Variants in AARS1 observed in about 807,000 individuals in gnomAD.
The protein encoded by AARS1 is alanyl-tRNA synthetase 1, also known as alanine--tRNA ligase, cytoplasmic.
Under a neutral mutation model 108.9 loss-of-function variants are expected in AARS1, and 72 were observed. The ratio of observed to expected loss-of-function variants is 0.66; its 90% confidence interval spans 0.55 to 0.80. AARS1 has a LOEUF of 0.80. AARS1 is among the 30% of genes least tolerant of loss of function. The probability of loss-of-function intolerance (pLI) is 0.00; values close to 1 mark genes in which losing one functional copy is unlikely to be tolerated. For synonymous variants in AARS1, 489 were observed against 465.7 expected, an observed-to-expected ratio of 1.05 and a Z score of -0.64; for missense variants, 1,193 against 1,233.2, an observed-to-expected ratio of 0.97 and a Z score of 0.49.
chr16:70,288,846 C>A (rs1960946240), intron 1 of AARS1, among the ~76,000 whole-genome samples: 1 of 152,170 alleles, frequency 6.6e-6, no homozygotes, highest in South Asian at 2.1e-4. Flanking sequence ...GGATTACAGG[C>A]GTGAGCCTCC....
intron 9 of AARS1, among the ~76,000 whole-genome samples, chr16:70,267,385 C>T (rs1960288177): frequency 6.6e-6 from 1 of 152,172 alleles, no homozygotes; most frequent in Admixed American, 6.5e-5. Flanking sequence ...TACACCAAAC[C>T]ATTAAGAGTT....
intron 4 of AARS1, among the ~76,000 whole-genome samples, chr16:70,274,884 T>C (rs575591625): frequency 8.6e-5 from 13 of 151,952 alleles, no homozygotes; most frequent in African/African-American, 2.9e-4. Flanking sequence ...TACATTTCTA[T>C]AAGGTTTGAA....
In AARS1 at chr16:70,270,186, G is replaced by C. The variant is rs780413612; in HGVS notation, c.816+10C>G. On this transcript the variant is annotated intron_variant, in intron 6 of 20. Transcript: ENST00000261772. ...ACAGAAGTTTACAATGTTTGCAATA[G>C]CACCAGTACCTTCTGAATGGCTTCA... is the stretch of plus-strand genomic sequence containing the variant. The C allele has an allele frequency of 2.5e-6, 4 of 1,614,038 alleles. No individual in the cohort carries two copies. The highest frequency in any genetic ancestry group is 3.4e-6 in the Non-Finnish European group (4 of 1,179,934).
chr16:70,289,492 C>A lies in AARS1; in HGVS notation c.-93G>T, dbSNP rs911839256. 2.0e-5 allele frequency: 9 copies of A among 445,194 alleles called. No homozygotes were observed. Among genetic ancestry groups the A allele is most frequent in the African/African-American group, 1.6e-4 (8 of 50,024 alleles). The allele number at this position is 445,194 out of a possible 1,614,324, so 27.6% of individuals were successfully genotyped here. On this transcript the variant is annotated 5_prime_UTR_variant, in exon 1 of 21. Coordinates refer to ENST00000261772, the MANE Select transcript of AARS1 (RefSeq NM_001605.3). ...CAAGGGCCCGCTGCACCTATTCCCG[C>A]AGACGCGCAGCTGTACCGGCCTCAG...
At position 70,253,920 on chromosome 16, in the gene AARS1, C is replaced by T. The variant is rs776276100; in HGVS notation, c.2519G>A (p.Arg840Gln). The change falls in exon 18 of 21, where the codon CGA becomes CAA. Residue 840 changes from arginine (R) to glutamine (Q), a missense_variant and splice_region_variant. Transcript: ENST00000261772. ...DRASKADVQK[R>Q]VLEKTKQFID... is the part of the protein sequence containing the mutation. The stretch of plus-strand genomic sequence containing the variant: ...GCCACTGGTGCTGCCAGGACTCACT[C>T]GTTTCTGGACATCGGCTTTGCTGGC... 3 of 1,614,106 alleles carry T rather than the reference C, an allele frequency of 1.9e-6. No individual in the cohort carries two copies. The highest frequency in any genetic ancestry group is 1.3e-5 in the African/African-American group (1 of 74,940).
In AARS1 at chr16:70,252,764, G is replaced by T; in HGVS notation, c.2864C>A (p.Ala955Asp). The T allele has an allele frequency of 6.2e-7, 1 of 1,614,168 alleles. No individual in the cohort carries two copies. Among genetic ancestry groups the T allele is most frequent in the Non-Finnish European group, 8.5e-7 (1 of 1,180,046 alleles). ...VGCLQEALQL[A>D]TSFAQLRLGD... ...GAGGCGCAGCTGGGCGAAGGAAGTG[G>T]CCAGCTGCAGCGCCTCCTGCAGGCA... Residue 955 changes from alanine (A) to aspartate (D), a missense_variant, in exon 21 of 21, where the codon GCC becomes GAC. By Grantham distance (126) the Ala-to-Asp change is moderately radical. Transcript: ENST00000261772.
rs117349252 is a variant in AARS1 at position 70,268,961 on chromosome 16, C to T, written c.963-582G>A. Among the ~76,000 whole-genome samples the T allele has an allele frequency of 4.1e-3, 622 of 152,180 alleles. 2 individuals carry two copies. The highest frequency in any genetic ancestry group is 0.01 in the Middle Eastern group (3 of 294). On this transcript the variant is annotated intron_variant, in intron 7 of 20. Coordinates refer to ENST00000261772, the MANE Select transcript of AARS1 (RefSeq NM_001605.3). ...GTGGCTCACACCTGTAATCCCATCA[C>T]TTTGGGAGGTCGTAGCAGGTGGATC...
rs766285180 is a variant in AARS1 at position 70,253,634 on chromosome 16, G to T, written c.2607+80C>A. 57 of 1,504,036 alleles carry T rather than the reference G, an allele frequency of 3.8e-5. 1 individual carries two copies. In the Admixed American group the frequency reaches 4.2e-4, roughly 11 times the overall value. 93.2% of individuals were successfully genotyped at this position (1,504,036 alleles called of 1,614,324 possible). A position where few individuals can be genotyped will look rare whatever the true frequency, so the allele number is the denominator to read the frequency against. ...CCGTGGGCCCTTAGGCAACCACTTC[G>T]CTCAGAGCCACAGAGGCCACATGTC... On this transcript the variant is annotated intron_variant, in intron 19 of 20. Coordinates refer to ENST00000261772, the MANE Select transcript of AARS1 (RefSeq NM_001605.3).
Position 70,252,928 on chromosome 16 carries a change from G to A in AARS1, c.2722-22C>T, listed in dbSNP as rs147501949. On this transcript the variant is annotated intron_variant, in intron 20 of 20. Transcript: ENST00000261772. ...CATTCTAGAAGACAGGAAGGGAAGG[G>A]GGAGTCAGCACAGAAGATGGGATTG... 1.6e-4 allele frequency: 266 copies of A among 1,612,874 alleles called. No individual in the cohort carries two copies. The African/African-American group carries it at 2.5e-3, about 15-fold the overall frequency.
In AARS1 at chr16:70,252,739, G is replaced by C. The variant is rs75033663; in HGVS notation, c.2889C>G (p.Leu963=). ...QLATSFAQLR[L]GDVKN The stretch of plus-strand genomic sequence containing the variant: ...TCCCCACTCAGTTCTTTACATCCCC[G>C]AGGCGCAGCTGGGCGAAGGAAGTGG... Residue 963 remains leucine (L), a synonymous_variant, in exon 21 of 21, where the codon CTC becomes CTG. Coordinates refer to ENST00000261772, the MANE Select transcript of AARS1 (RefSeq NM_001605.3). The C allele has an allele frequency of 1.2e-6, 2 of 1,614,132 alleles. No homozygotes were observed. The highest frequency in any genetic ancestry group is 1.3e-5 in the African/African-American group (1 of 75,050).
chr16:70,271,733 T>C, intron 5 of AARS1, 48 bp downstream of exon 5: 1 of 1,588,152 alleles, frequency 6.3e-7, no homozygotes, highest in Non-Finnish European at 8.6e-7. Context: ...GAGTTCCTCC[T>C]CCCCTGCTCA....
At chr16:70,262,201 C>T in intron 12 of AARS1, 145 bp downstream of exon 12, 2 of 999,118 alleles carry the variant, frequency 2.0e-6, no homozygotes, top group South Asian at 1.3e-5. Flanking sequence ...CAAGCAACAG[C>T]TCCCTCGGCT....
intron 4 of AARS1, among the ~76,000 whole-genome samples, chr16:70,272,506 C>CAAAAAAAAAA (rs34129241): frequency 5.9e-5 from 1 of 17,024 alleles, no homozygotes. Flanking sequence ...AACTCCATCT[C>CAAAAAAAAAA]AAAAAAAAAA....
intron 4 of AARS1, among the ~76,000 whole-genome samples, chr16:70,273,863 CAAAAAAAAAAAAAA>C (rs71385651): frequency 1.8e-5 from 1 of 54,262 alleles, no homozygotes; most frequent in Non-Finnish European, 3.1e-5. Context: ...ACTCCGTCTC[CAAAAAAAAAAAAAA>C]AAAAAAAAAA....
chr16:70,269,322 G>GAA lies in AARS1; in HGVS notation c.962+294_962+295dup, dbSNP rs56394253. Among the ~76,000 whole-genome samples, 22 of 64,272 alleles carry GAA rather than the reference G, an allele frequency of 3.4e-4. 1 individual carries two copies. Among genetic ancestry groups the GAA allele is most frequent in the East Asian group, 2.0e-3 (4 of 1,982 alleles). The allele number at this position is 64,272 out of a possible 152,430, so 42.2% of individuals were successfully genotyped here. A position where few individuals can be genotyped will look rare whatever the true frequency, so the allele number is the denominator to read the frequency against. ...GCAACAAAAGCAAAATTCTGTCTCA[G>GAA]AAAAAAAAAAAAAAAAAAAAAAAAA... On this transcript the variant is annotated intron_variant, in intron 7 of 20. Coordinates refer to ENST00000261772, the MANE Select transcript of AARS1 (RefSeq NM_001605.3).
At chr16:70,277,244 A>C (rs1960573071) in intron 2 of AARS1, 90 bp from the exon 3 acceptor site, 1 of 1,298,016 alleles carries the variant, frequency 7.7e-7, no homozygotes, top group South Asian at 1.2e-5. Context: ...CCACACACTA[A>C]CTGTGCAGTT....
At chr16:70,272,889 G>GACACACAC (rs71928705) in intron 4 of AARS1, among the ~76,000 whole-genome samples, 32,941 of 140,142 alleles carry the variant, frequency 0.24, 4,421 homozygotes, top group Non-Finnish European at 0.3. Flanking sequence ...CAGCCTGGGT[G>GACACACAC]ACACACACAC....
intron 1 of AARS1, among the ~76,000 whole-genome samples, chr16:70,288,055 G>A (rs1960899412): frequency 6.7e-6 from 1 of 149,634 alleles, no homozygotes; most frequent in Non-Finnish European, 1.5e-5. Context: ...GTGAGCTACC[G>A]CGCCCGGCCA....
chr16:70,261,212 T>C (rs930469447), intron 12 of AARS1, 55 bp from the exon 13 acceptor site: 2 of 1,352,240 alleles, frequency 1.5e-6, no homozygotes, highest in Non-Finnish European at 2.1e-6. Context: ...CATACAAATT[T>C]TCTTATATTT....
Sources: allele counts gnomAD v4.1 joint callset (sites outside exome capture counted in the v4.1 genomes callset), GRCh38; gene constraint gnomAD v4.1.1; transcripts MANE v1.5; gene names NCBI Gene and HGNC (gene_info 2026-07-23, HGNC 2026-07-21).